The following ZMAT4 variants were observed in gnomAD, a reference collection of about 807,000 sequenced individuals.
ZMAT4 encodes the protein zinc finger matrin-type 4, also known as zinc finger matrin-type protein 4.
In ZMAT4, 17 loss-of-function variants were observed where a neutral mutation model predicts 28.7. That is an observed-to-expected ratio of 0.59 (90% CI 0.41 to 0.89). The LOEUF is 0.89. Ranked by LOEUF, ZMAT4 falls within the 40% of genes least tolerant of loss-of-function variation. The pLI, the probability that ZMAT4 is intolerant of heterozygous loss-of-function variation, is 0.00. For synonymous variants in ZMAT4, 117 were observed against 109.2 expected (o/e 1.07, Z -0.44); for missense variants, 240 against 283.8 (o/e 0.85, Z 1.11).
At chr8:40,706,057 A>G (rs963320666) in intron 3 of ZMAT4, among the ~76,000 whole-genome samples, 1 of 151,894 alleles carries the variant, frequency 6.6e-6, no homozygotes, top group African/African-American at 2.4e-5. Flanking sequence ...TTTATTTATT[A>G]TTGGTTGTTT....
intron 3 of ZMAT4, among the ~76,000 whole-genome samples, chr8:40,722,021 A>G (rs1470753995): frequency 6.6e-6 from 1 of 152,022 alleles, no homozygotes; most frequent in Non-Finnish European, 1.5e-5. Context: ...ACAAAAATCA[A>G]TTCAAGATAG....
chr8:40,887,113 G>T (rs1373707821), intron 1 of ZMAT4, among the ~76,000 whole-genome samples: 1 of 148,398 alleles, frequency 6.7e-6, no homozygotes, highest in East Asian at 2.1e-4. Flanking sequence ...GGAGCTTGCA[G>T]TGAGTGGAGA....
intron 3 of ZMAT4, among the ~76,000 whole-genome samples, chr8:40,742,095 A>AAAAAACG (rs773501972): frequency 6.8e-6 from 1 of 146,746 alleles, no homozygotes; most frequent in African/African-American, 2.5e-5. Context: ...AAAAAAAAAC[A>AAAAAACG]AAAAACAAAA....
At chr8:40,568,262 T>C (rs1803985121) in intron 6 of ZMAT4, among the ~76,000 whole-genome samples, 1 of 152,062 alleles carries the variant, frequency 6.6e-6, no homozygotes, top group Non-Finnish European at 1.5e-5. Context: ...TGGCCACATA[T>C]AATTGAGAGC....
chr8:40,757,984 A>G (rs1586003828), intron 3 of ZMAT4, among the ~76,000 whole-genome samples: 1 of 152,280 alleles, frequency 6.6e-6, no homozygotes, highest in East Asian at 1.9e-4. Flanking sequence ...TTCCTGCCCT[A>G]GAACATCAGA....
chr8:40,735,816 G>T (rs142126615), intron 3 of ZMAT4, among the ~76,000 whole-genome samples: 2 of 152,264 alleles, frequency 1.3e-5, no homozygotes, highest in Non-Finnish European at 2.9e-5. Flanking sequence ...AACACTCAGA[G>T]TCCCAGAACA....
At chr8:40,605,456 C>T (rs551828814) in intron 5 of ZMAT4, among the ~76,000 whole-genome samples, 1 of 152,254 alleles carries the variant, frequency 6.6e-6, no homozygotes, top group South Asian at 2.1e-4. Context: ...CATTCAGGAG[C>T]AGGCTATTTA....
At chr8:40,855,187 A>C (rs1563529480) in intron 1 of ZMAT4, among the ~76,000 whole-genome samples, 2 of 152,140 alleles carry the variant, frequency 1.3e-5, no homozygotes, top group East Asian at 3.9e-4. Flanking sequence ...GCTCTTTGTA[A>C]ACGGTGTGTC....
At chr8:40,534,477 T>C (rs1021243370) in intron 6 of ZMAT4, among the ~76,000 whole-genome samples, 1 of 152,132 alleles carries the variant, frequency 6.6e-6, no homozygotes, top group African/African-American at 2.4e-5. Context: ...GGAAAAAAAT[T>C]CATCACATAG....
rs1397053201 is a variant in ZMAT4 at position 40,697,250 on chromosome 8, G to T, written c.344C>A (p.Thr115Asn). 3.7e-6 allele frequency: 6 copies of T among 1,608,032 alleles called. No individual in the cohort carries two copies. In the East Asian group the frequency reaches 1.1e-4, roughly 30 times the overall value. The change falls in exon 4 of 7, where the codon ACC (threonine) becomes AAC (asparagine). Residue 115 changes from threonine to asparagine, a missense_variant. Physicochemically the swap from Thr to Asn is moderately conservative, Grantham distance 65. Transcript: ENST00000297737. Reference sequence around the variant, plus strand: ...ATCACTGTTCCTGCACGTACCTGTGGTCTTTAATGGGGTCTTCTCTCCTAG... The same window carrying T: ...ATCACTGTTCCTGCACGTACCTGTGTTCTTTAATGGGGTCTTCTCTCCTAG... ...LLLGEKTPLKTTATPLSPLKP... is the reference protein window; with the variant it reads ...LLLGEKTPLKNTATPLSPLKP...
intron 6 of ZMAT4, among the ~76,000 whole-genome samples, chr8:40,550,317 C>T (rs1585672092): frequency 1.3e-5 from 2 of 152,154 alleles, no homozygotes; most frequent in African/African-American, 4.8e-5. Flanking sequence ...TCCACTAAGG[C>T]TTAGAATAGT....
intron 6 of ZMAT4, among the ~76,000 whole-genome samples, chr8:40,572,599 T>C (rs568218892): frequency 1.3e-5 from 2 of 152,308 alleles, no homozygotes; most frequent in South Asian, 2.1e-4. Flanking sequence ...CATTAATCTA[T>C]GGTACATACT....
At chr8:40,596,119 C>A (rs568299597) in intron 5 of ZMAT4, among the ~76,000 whole-genome samples, 21 of 151,902 alleles carry the variant, frequency 1.4e-4, no homozygotes, top group South Asian at 6.3e-4. Context: ...ACAAAAAAAA[C>A]CCCACAATAT....
intron 1 of ZMAT4, among the ~76,000 whole-genome samples, chr8:40,872,286 G>A (rs1389139650): frequency 6.6e-6 from 1 of 152,174 alleles, no homozygotes; most frequent in Admixed American, 6.5e-5. Flanking sequence ...AAGTCTGAAG[G>A]GGGCATCCCA....
chr8:40,673,224 T>C (rs1808757583), intron 5 of ZMAT4, among the ~76,000 whole-genome samples: 1 of 152,230 alleles, frequency 6.6e-6, no homozygotes, highest in African/African-American at 2.4e-5. Flanking sequence ...ACTTTTCTAG[T>C]TCCAAATCAA....
chr8:40,738,431 A>G (rs1811867230), intron 3 of ZMAT4, among the ~76,000 whole-genome samples: 1 of 152,164 alleles, frequency 6.6e-6, no homozygotes, highest in South Asian at 2.1e-4. Context: ...AAGGCTATTA[A>G]CTCAGGGATC....
intron 3 of ZMAT4, among the ~76,000 whole-genome samples, chr8:40,761,972 A>G (rs1812960173): frequency 2.0e-5 from 3 of 152,212 alleles, no homozygotes; most frequent in African/African-American, 7.2e-5. Flanking sequence ...AGAACTGGGG[A>G]TAGAATCTCC....
chr8:40,748,347 A>T (rs953064904), intron 3 of ZMAT4, among the ~76,000 whole-genome samples: 2 of 152,208 alleles, frequency 1.3e-5, no homozygotes, highest in South Asian at 2.1e-4. Context: ...GCTGTAGAGC[A>T]TTTCAATGGG....
intron 6 of ZMAT4, among the ~76,000 whole-genome samples, chr8:40,573,428 C>T (rs572848178): frequency 6.6e-6 from 1 of 152,256 alleles, no homozygotes; most frequent in South Asian, 2.1e-4. Flanking sequence ...CCAATTTCTG[C>T]CTTCATCTGC....
Sources: allele counts gnomAD v4.1 joint callset (sites outside exome capture counted in the v4.1 genomes callset), GRCh38; gene constraint gnomAD v4.1.1; transcripts MANE v1.5; gene names NCBI Gene and HGNC (gene_info 2026-07-23, HGNC 2026-07-21).